Variants in NT5DC2 observed in about 807,000 individuals in gnomAD.
The protein encoded by NT5DC2 is 5'-nucleotidase domain containing 2.
In NT5DC2, 41 loss-of-function variants were observed where a neutral mutation model predicts 70.0. That is an observed-to-expected ratio of 0.59 (90% confidence interval 0.46 to 0.76). The LOEUF (loss-of-function observed/expected upper bound fraction) is 0.76. NT5DC2 is among the 30% of genes least tolerant of loss of function. The pLI is 0.00. For missense variants in NT5DC2, 705 were observed against 783.2 expected (o/e 0.90, Z 1.19); for synonymous variants, 299 against 310.4 (o/e 0.96, Z 0.39).
Position 52,528,705 on chromosome 3 carries a change from G to C in NT5DC2, c.493-13C>G, listed in dbSNP as rs200623510. The C allele has an allele frequency of 1.5e-4, 246 of 1,604,760 alleles. 1 individual carries two copies. The East Asian group carries it at 5.5e-3, about 36-fold the overall frequency. The stretch of plus-strand genomic sequence containing the variant: ...TCATCAGAAGGCTCTGGGGGCGCCA[G>C]GGAGGCAGGACGGATGGTGAGGAGG... On this transcript the variant is annotated splice_polypyrimidine_tract_variant and intron_variant, in intron 3 of 13. Coordinates refer to ENST00000422318, the MANE Select transcript of NT5DC2 (RefSeq NM_001134231.2).
At chr3:52,528,368 G>A (rs2079311140) in intron 5 of NT5DC2, 57 bp from the exon 6 acceptor site, 4 of 1,613,132 alleles carry the variant, frequency 2.5e-6, no homozygotes, top group Non-Finnish European at 3.4e-6. Flanking sequence ...CTTCAGTGCT[G>A]GAGACGAGGG....
chr3:52,524,745 C>T lies in NT5DC2; in HGVS notation c.1413-14G>A. ...TTGGTGATGCACCTGGCGAGGGAGACACGATGCGCTCAAGGGGTGGGCCTG... is the reference window on the plus strand; with the variant it reads ...TTGGTGATGCACCTGGCGAGGGAGATACGATGCGCTCAAGGGGTGGGCCTG... On this transcript the variant is annotated splice_polypyrimidine_tract_variant and intron_variant, in intron 13 of 13. Transcript: ENST00000422318. The T allele has an allele frequency of 6.2e-7, 1 of 1,612,676 alleles. No homozygotes were observed. Among genetic ancestry groups the T allele is most frequent in the Non-Finnish European group, 8.5e-7 (1 of 1,179,936 alleles).
chr3:52,526,398 A>G (rs2079272998), intron 10 of NT5DC2: 2 of 152,300 alleles, frequency 1.3e-5, no homozygotes, highest in African/African-American at 2.4e-5. Context: ...CTCCAGCCCC[A>G]AGGCCTTTAG....
upstream of NT5DC2, chr3:52,534,379 C>T: frequency 8.1e-7 from 1 of 1,237,926 alleles, no homozygotes; most frequent in South Asian, 1.2e-5. Flanking sequence ...GCCCTTCCCG[C>T]GCTTCCCGGT....
intron 10 of NT5DC2, 70 bp downstream of exon 10, chr3:52,527,224 C>T (rs1287518651): frequency 6.9e-7 from 1 of 1,440,618 alleles, no homozygotes; most frequent in African/African-American, 1.4e-5. Flanking sequence ...GAGGCTGCCT[C>T]TGCACAGCCT....
upstream of NT5DC2, chr3:52,534,892 C>T (rs115243299): frequency 1.2e-3 from 648 of 528,096 alleles, 1 homozygote; most frequent in Non-Finnish European, 1.8e-3. Context: ...GGATTGAGGC[C>T]GTAGGATGGG....
In NT5DC2 at chr3:52,524,741, G is replaced by GA. The variant is rs750661962; in HGVS notation, c.1413-11dup. ...GGCCTTGGTGATGCACCTGGCGAGG[G>GA]AGACACGATGCGCTCAAGGGGTGGG... On this transcript the variant is annotated splice_polypyrimidine_tract_variant and intron_variant, in intron 13 of 13. Coordinates refer to ENST00000422318, the MANE Select transcript of NT5DC2 (RefSeq NM_001134231.2). 1.3e-5 allele frequency: 21 copies of GA among 1,612,674 alleles called. No homozygotes were observed. The East Asian group carries it at 3.3e-4, about 26-fold the overall frequency.
In NT5DC2 at chr3:52,524,464, G is replaced by T. The variant is rs181171122; in HGVS notation, c.*6C>A. 1.2e-6 allele frequency: 2 copies of T among 1,612,706 alleles called. No individual in the cohort carries two copies. The highest frequency in any genetic ancestry group is 3.3e-5 in the Admixed American group (2 of 60,030). ...TGAGGGCCTGTCCCAGACAATAAAG[G>T]TGCCCTCAGCGGATGTGGGCCATGT... On this transcript the variant is annotated 3_prime_UTR_variant, in exon 14 of 14. Coordinates refer to ENST00000422318, the MANE Select transcript of NT5DC2 (RefSeq NM_001134231.2).
rs374674749 is a variant in NT5DC2 at position 52,527,993 on chromosome 3, G to A, written c.832+20C>T. The A allele has an allele frequency of 6.2e-6, 10 of 1,612,868 alleles. No individual in the cohort carries two copies. The African/African-American group carries it at 9.3e-5, about 15-fold the overall frequency. ...CCACCTGCTCAGGCCGGCCACGGCA[G>A]GGCTTCTGTCCACACTTACCCATGT... is the stretch of plus-strand genomic sequence containing the variant. On this transcript the variant is annotated intron_variant, in intron 7 of 13. Transcript: ENST00000422318.
At chr3:52,532,606 C>T (rs910312698) in intron 1 of NT5DC2, 188 of 645,480 alleles carry the variant, frequency 2.9e-4, no homozygotes, top group Non-Finnish European at 3.3e-4. Context: ...GGGGTTCCTC[C>T]GGAAGCTCTC....
rs778432876 is a variant in NT5DC2, at chr3:52,524,736, C to T, written c.1413-5G>A. On this transcript the variant is annotated splice_polypyrimidine_tract_variant and splice_region_variant and intron_variant, in intron 13 of 13. Coordinates refer to ENST00000422318, the MANE Select transcript of NT5DC2 (RefSeq NM_001134231.2). ...AACAGGGCCTTGGTGATGCACCTGGCGAGGGAGACACGATGCGCTCAAGGG... is the reference window on the plus strand; with the variant it reads ...AACAGGGCCTTGGTGATGCACCTGGTGAGGGAGACACGATGCGCTCAAGGG... 1.6e-5 allele frequency: 26 copies of T among 1,612,540 alleles called. No homozygotes were observed. Among genetic ancestry groups the T allele is most frequent in the South Asian group, 1.1e-4 (10 of 91,068 alleles).
chr3:52,524,887 G>T lies in NT5DC2; in HGVS notation c.1348-6C>A. On this transcript the variant is annotated splice_polypyrimidine_tract_variant and splice_region_variant and intron_variant, in intron 12 of 13. Coordinates refer to ENST00000422318, the MANE Select transcript of NT5DC2 (RefSeq NM_001134231.2). Reference sequence around the variant, plus strand: ...GACTCCGCGTCCTGATAGGTCTGGGGACACAAAGTGTGCATTGGGTGTGTG... The same window carrying T: ...GACTCCGCGTCCTGATAGGTCTGGGTACACAAAGTGTGCATTGGGTGTGTG... 6.2e-7 allele frequency: 1 copy of T among 1,612,252 alleles called. No individual in the cohort carries two copies. The highest frequency in any genetic ancestry group is 1.7e-4 in the Middle Eastern group (1 of 6,058).
upstream of NT5DC2, chr3:52,534,380 G>T: frequency 3.2e-6 from 4 of 1,245,476 alleles, no homozygotes; most frequent in Non-Finnish European, 4.6e-6. Context: ...CCCTTCCCGC[G>T]CTTCCCGGTG....
In NT5DC2 at chr3:52,529,239, C is replaced by T. The variant is rs1332048285; in HGVS notation, c.328G>A (p.Asp110Asn). ...SLRDVEVYGF[D>N]YDYTLAQYAD... ...TACTGGGCCAGGGTGTAGTCGTAGT[C>T]AAAGCCGTAGACCTCAACGTCACGC... The change falls in exon 2 of 14, where the codon GAC (aspartate) becomes AAC (asparagine). Residue 110 changes from aspartate (D) to asparagine (N), a missense_variant. Asp to Asn is a conservative substitution (Grantham distance 23, BLOSUM62 1). Coordinates refer to ENST00000422318, the MANE Select transcript of NT5DC2 (RefSeq NM_001134231.2). The surrounding 1 kb of genome is among the most constrained non-coding windows in gnomAD (Gnocchi z 4.1). 1 of 1,613,904 alleles carries T rather than the reference C, an allele frequency of 6.2e-7. No individual in the cohort carries two copies. The highest frequency in any genetic ancestry group is 8.5e-7 in the Non-Finnish European group (1 of 1,179,994).
Position 52,529,115 on chromosome 3 carries a change from C to G in NT5DC2, c.417+35G>C. 1 of 1,613,186 alleles carries G rather than the reference C, an allele frequency of 6.2e-7. No individual in the cohort carries two copies. ...AGGTGGGTCTGGCCAGCCTCCAAGC[C>G]CTGGGTTTGTTGGTGGCAAGGACCC... On this transcript the variant is annotated intron_variant, in intron 2 of 13. Transcript: ENST00000422318. This position sits in a 1 kb window ranked among gnomAD's most constrained non-coding sequence, Gnocchi z 4.1.
chr3:52,534,407 G>A, upstream of NT5DC2: 1 of 1,508,816 alleles, frequency 6.6e-7, no homozygotes, highest in Non-Finnish European at 9.1e-7. Context: ...CCACGCTGGG[G>A]GAGGCCGAGG....
upstream of NT5DC2, chr3:52,534,466 C>CT: frequency 6.2e-7 from 1 of 1,609,882 alleles, no homozygotes; most frequent in Non-Finnish European, 8.5e-7. Flanking sequence ...GGGCCGTGCG[C>CT]TGCAGGGTTG....
chr3:52,526,335 G>A (rs1472309560), intron 10 of NT5DC2: 2 of 152,396 alleles, frequency 1.3e-5, no homozygotes, highest in South Asian at 2.1e-4. Context: ...AGGCCAGGCT[G>A]GGCATTGGCC....
At position 52,531,890 on chromosome 3, in the gene NT5DC2, G is replaced by A. The variant is rs1475464825; in HGVS notation, c.232+1616C>T. Among the ~76,000 whole-genome samples, 1 of 152,142 alleles carries A rather than the reference G, an allele frequency of 6.6e-6. No homozygotes were observed. Among genetic ancestry groups the A allele is most frequent in the African/African-American group, 2.4e-5 (1 of 41,426 alleles). The stretch of plus-strand genomic sequence containing the variant: ...AGGCAGTCCCACTTATTCCCCCATC[G>A]TCCGGAGGAAGAAACTGGGGCTCAG... On this transcript the variant is annotated intron_variant, in intron 1 of 13. Transcript: ENST00000422318. The surrounding 1 kb of genome is among the most constrained non-coding windows in gnomAD (Gnocchi z 4.1).
Sources: gnomAD v4.1 joint callset for allele counts (sites outside exome capture counted in the v4.1 genomes callset) on GRCh38, gnomAD v4.1.1 for gene constraint, Gnocchi (gnomAD v3.1) non-coding constraint, MANE v1.5 for transcripts, NCBI Gene and HGNC (gene_info 2026-07-23, HGNC 2026-07-21) for gene names.